The following WLS variants were observed in gnomAD, a reference collection of about 807,000 sequenced individuals.
The protein encoded by WLS is Wnt ligand secretion mediator.
WLS carries 23 observed loss-of-function variants against 62.8 expected under a neutral mutation model. The observed-to-expected ratio is 0.37, with a 90% CI of 0.26 to 0.52. WLS has a LOEUF of 0.52. WLS is among the 20% of genes least tolerant of loss of function. The pLI is 0.92. For missense variants in WLS, 615 were observed against 697.3 expected, an observed-to-expected ratio of 0.88 and a Z score of 1.33; for synonymous variants, 246 against 244.1, an observed-to-expected ratio of 1.01 and a Z score of -0.07.
chr1:68,125,569 A>G lies in WLS; in HGVS notation c.*657T>C, dbSNP rs1646417420. ...GGTAGTTTAGCAAACATTTTTTAAA[A>G]CCCACATCCAACAGATTGGTTAGTA... On this transcript the variant is annotated 3_prime_UTR_variant, in exon 12 of 12. Coordinates refer to ENST00000262348, the MANE Select transcript of WLS (RefSeq NM_024911.7). The G allele has an allele frequency of 2.0e-6, 2 of 985,338 alleles. No homozygotes were observed. Among genetic ancestry groups the G allele is most frequent in the East Asian group, 2.3e-4 (2 of 8,824 alleles). The allele number at this position is 985,338 out of a possible 1,614,324, so 61.0% of individuals were successfully genotyped here. A position where few individuals can be genotyped will look rare whatever the true frequency, so the allele number is the denominator to read the frequency against.
Position 68,125,734 on chromosome 1 carries a change from GATATAA to G in WLS, c.*486_*491del. The G allele has an allele frequency of 3.0e-6, 3 of 986,084 alleles. No homozygotes were observed. Among genetic ancestry groups the G allele is most frequent in the Non-Finnish European group, 3.6e-6 (3 of 830,424 alleles). The allele number at this position is 986,084 out of a possible 1,614,324, so 61.1% of individuals were successfully genotyped here. On this transcript the variant is annotated 3_prime_UTR_variant, in exon 12 of 12. Coordinates refer to ENST00000262348, the MANE Select transcript of WLS (RefSeq NM_024911.7). ...ATATTAACTCAGTGGGCTACCTGGT[GATATAA>G]ATAGGAAAAAAACAGTGGTCATGGA...
At chr1:68,183,153 A>G (rs986220579) in intron 2 of WLS, among the ~76,000 whole-genome samples, 17 of 152,310 alleles carry the variant, frequency 1.1e-4, no homozygotes, top group African/African-American at 1.9e-4. Context: ...CAGCCTCCCA[A>G]TGTGCTGGGA....
Position 68,206,448 on chromosome 1 carries a change from G to A in WLS, c.107-12221C>T, listed in dbSNP as rs185446312. On this transcript the variant is annotated intron_variant, in intron 1 of 11. Coordinates refer to ENST00000262348, the MANE Select transcript of WLS (RefSeq NM_024911.7). ...GCTGCCGGCACCTGTGTGAGTGGAGGTGCTCCTCAGTTAACACTTGGTGAG... is the reference window on the plus strand; with the variant it reads ...GCTGCCGGCACCTGTGTGAGTGGAGATGCTCCTCAGTTAACACTTGGTGAG... 3.2e-3 allele frequency among the ~76,000 whole-genome samples: 481 copies of A among 152,326 alleles called. 5 individuals carry two copies. The highest frequency in any genetic ancestry group is 6.8e-3 in the Middle Eastern group (2 of 294).
rs537201598 is a variant in WLS at position 68,193,950 on chromosome 1, T to G, written c.379+5A>C. The G allele has an allele frequency of 6.2e-7, 1 of 1,612,600 alleles. No individual in the cohort carries two copies. Among genetic ancestry groups the G allele is most frequent in the African/African-American group, 1.3e-5 (1 of 75,004 alleles). The stretch of plus-strand genomic sequence containing the variant: ...AGAAAGGGATGAGAGGAGAGTACAC[T>G]TAACTGATTTGGTTGTTTAGCTTGA... On this transcript the variant is annotated splice_donor_5th_base_variant and intron_variant, in intron 2 of 11. Transcript: ENST00000262348.
At chr1:68,178,864 A>G (rs1647389874) in intron 2 of WLS, among the ~76,000 whole-genome samples, 1 of 152,218 alleles carries the variant, frequency 6.6e-6, no homozygotes, top group Non-Finnish European at 1.5e-5. Flanking sequence ...TATCGAATGA[A>G]TGAATGAAAT....
chr1:68,136,993 A>G (rs147538561), intron 11 of WLS, among the ~76,000 whole-genome samples: 21 of 152,342 alleles, frequency 1.4e-4, no homozygotes, highest in African/African-American at 4.8e-4. Flanking sequence ...AAAGAGACAG[A>G]ATGAGGAATA....
intron 2 of WLS, among the ~76,000 whole-genome samples, chr1:68,175,006 C>A (rs757783345): frequency 3.3e-5 from 5 of 152,134 alleles, no homozygotes; most frequent in Non-Finnish European, 7.3e-5. Flanking sequence ...GCATTACATC[C>A]ATGAGCTTTA....
chr1:68,153,341 TA>T (rs1646852313), intron 5 of WLS, among the ~76,000 whole-genome samples, 175 bp downstream of exon 5: 1 of 152,192 alleles, frequency 6.6e-6, no homozygotes, highest in East Asian at 1.9e-4. Flanking sequence ...AGGATTTACT[TA>T]ATAACAACTT....
At chr1:68,117,969 T>C (rs1360122631) in intron 11 of WLS, among the ~76,000 whole-genome samples, 2 of 124,056 alleles carry the variant, frequency 1.6e-5, no homozygotes, top group African/African-American at 5.9e-5. Context: ...TATGAATTGA[T>C]GAGAAAAAAA....
At chr1:68,109,853 TATGAG>T (rs1026908971) in intron 11 of WLS, among the ~76,000 whole-genome samples, 7 of 151,548 alleles carry the variant, frequency 4.6e-5, no homozygotes, top group East Asian at 1.9e-4. Context: ...ATGGGCAAAA[TATGAG>T]ATGAGATACC....
chr1:68,226,059 G>A (rs1650126226), intron 1 of WLS, among the ~76,000 whole-genome samples: 2 of 152,154 alleles, frequency 1.3e-5, no homozygotes, highest in African/African-American at 4.8e-5. Context: ...GCCTTGGCAA[G>A]GCACTTTTTG....
chr1:68,108,760 A>T (rs269353), intron 11 of WLS, among the ~76,000 whole-genome samples: 19 of 152,108 alleles, frequency 1.2e-4, no homozygotes, highest in African/African-American at 3.6e-4. Context: ...TAAGTTTATT[A>T]TCTGGGGAAA....
At chr1:68,231,295 C>T (rs1013870160) in intron 1 of WLS, among the ~76,000 whole-genome samples, 30 of 152,046 alleles carry the variant, frequency 2.0e-4, no homozygotes, top group African/African-American at 7.0e-4. Flanking sequence ...GGGAGGTCTC[C>T]CGGGGCGGGC....
At chr1:68,107,254 G>A (rs1478879149) in intron 11 of WLS, among the ~76,000 whole-genome samples, 2 of 150,970 alleles carry the variant, frequency 1.3e-5, no homozygotes, top group African/African-American at 4.9e-5. Flanking sequence ...TGTATTTTAT[G>A]TCTGTACCAT....
At chr1:68,172,778 C>T (rs1479953500) in intron 2 of WLS, among the ~76,000 whole-genome samples, 1 of 152,048 alleles carries the variant, frequency 6.6e-6, no homozygotes, top group African/African-American at 2.4e-5. Context: ...GCAGAGGAAG[C>T]CCCATGTATA....
chr1:68,121,327 CTT>C (rs757874742), downstream of WLS: 1 of 152,210 alleles, frequency 6.6e-6, no homozygotes, highest in African/African-American at 2.4e-5. Flanking sequence ...GTAGGGAAGA[CTT>C]GAGTGGGGCA....
rs201253666 is a variant in WLS, at chr1:68,184,950, C to CA, written c.379+9004dup. On this transcript the variant is annotated intron_variant, in intron 2 of 11. Transcript: ENST00000262348. ...GGGGAAAAACAAACAAACAAGCAAA[C>CA]AAAAAAAACACTTTTTGATTCCCAC... is the stretch of plus-strand genomic sequence containing the variant. 2.9e-3 allele frequency among the ~76,000 whole-genome samples: 441 copies of CA among 151,596 alleles called. 8 individuals are homozygous for CA. Among genetic ancestry groups the CA allele is most frequent in the African/African-American group, 9.8e-3 (406 of 41,304 alleles).
At chr1:68,141,441 T>G (rs1374926045) in intron 10 of WLS, 2 of 152,174 alleles carry the variant, frequency 1.3e-5, no homozygotes, top group Non-Finnish European at 2.9e-5. Context: ...GGGGCTGAAA[T>G]ACCAGACTGC....
intron 5 of WLS, among the ~76,000 whole-genome samples, chr1:68,153,263 G>T (rs562630381): frequency 6.6e-6 from 1 of 152,262 alleles, no homozygotes; most frequent in South Asian, 2.1e-4. Flanking sequence ...AACAGAGTGA[G>T]ACCTTGTCTC....
Sources: allele counts gnomAD v4.1 joint callset (sites outside exome capture counted in the v4.1 genomes callset), GRCh38; gene constraint gnomAD v4.1.1; transcripts MANE v1.5; gene names NCBI Gene and HGNC (gene_info 2026-07-23, HGNC 2026-07-21).